Variants in MGRN1 observed in about 807,000 individuals in gnomAD.
The protein encoded by MGRN1 is E3 ubiquitin-protein ligase MGRN1.
A neutral mutation model predicts 69.2 loss-of-function variants in MGRN1; 29 were observed. The ratio of observed to expected loss-of-function variants is 0.42; its 90% CI spans 0.31 to 0.57. The LOEUF is 0.57. Among genes scored for constraint, MGRN1 ranks in the 20% least tolerant of loss-of-function variants. MGRN1 has a pLI of 0.15. For synonymous variants in MGRN1, 470 were observed against 344.2 expected (o/e 1.37, Z -4.04); for missense variants, 998 against 796.2 (o/e 1.25, Z -3.05).
At chr16:4,627,053 C>G (rs774469025) in intron 1 of MGRN1, among the ~76,000 whole-genome samples, 27 of 152,230 alleles carry the variant, frequency 1.8e-4, no homozygotes, top group Middle Eastern at 3.2e-3. Flanking sequence ...GACTCCCCGC[C>G]TCTCCTGTCT....
At chr16:4,676,022 C>T (rs1171623083) in intron 10 of MGRN1, among the ~76,000 whole-genome samples, 1 of 152,230 alleles carries the variant, frequency 6.6e-6, no homozygotes, top group Non-Finnish European at 1.5e-5. Context: ...TGGGGATTTG[C>T]CTGCGCAGCT....
At chr16:4,677,434 G>T (rs1159467306) in intron 10 of MGRN1, 29 bp from the exon 11 acceptor site, 1 of 1,518,350 alleles carries the variant, frequency 6.6e-7, no homozygotes, top group Non-Finnish European at 8.8e-7. Flanking sequence ...TGTCGCCTGG[G>T]CCTGATCTGA....
Position 4,650,376 on chromosome 16 carries a change from G to T in MGRN1, c.100G>T (p.Ala34Ser). 6.2e-7 allele frequency: 1 copy of T among 1,606,490 alleles called. No individual in the cohort carries two copies. The highest frequency in any genetic ancestry group is 8.5e-7 in the Non-Finnish European group (1 of 1,175,244). ...CCTTTTTTAAACAGGAAACTACTTT[G>T]CTTCGCACTTTTTCATGGGAGGAGA... The part of the protein sequence containing the change: ...RYPPKSGNYF[A>S]SHFFMGGEKF... Residue 34 changes from alanine (A) to serine (S), a missense_variant, in exon 2 of 17, where the codon GCT becomes TCT. By Grantham distance (99) the Ala-to-Ser change is moderately conservative. Coordinates refer to ENST00000262370, the MANE Select transcript of MGRN1 (RefSeq NM_015246.4).
chr16:4,651,860 C>A, intron 2 of MGRN1, 103 bp from the exon 3 acceptor site: 1 of 1,035,948 alleles, frequency 9.7e-7, no homozygotes. Context: ...GGGACTAGAT[C>A]CCAGGGATAC....
intron 11 of MGRN1, among the ~76,000 whole-genome samples, chr16:4,679,649 G>C (rs1404793079): frequency 6.6e-6 from 1 of 152,218 alleles, no homozygotes; most frequent in Non-Finnish European, 1.5e-5. Context: ...CTGGCTGGGG[G>C]ACTTTGACCA....
chr16:4,644,216 T>C, intron 1 of MGRN1, among the ~76,000 whole-genome samples: 1 of 151,864 alleles, frequency 6.6e-6, no homozygotes, highest in African/African-American at 2.4e-5. Flanking sequence ...GGTCTAGAAC[T>C]CCTTACCTCA....
chr16:4,629,275 G>C (rs996771712), intron 1 of MGRN1, among the ~76,000 whole-genome samples: 12 of 152,104 alleles, frequency 7.9e-5, no homozygotes, highest in Non-Finnish European at 1.2e-4. Context: ...AGTTCTTTAT[G>C]TGTTCTGGAT....
At chr16:4,687,764 G>A (rs906728446) in intron 16 of MGRN1, 56 of 985,360 alleles carry the variant, frequency 5.7e-5, no homozygotes, top group Non-Finnish European at 6.0e-5. Context: ...CTGGCCGGGG[G>A]TGCAGGCTCT....
At chr16:4,686,843 C>T in intron 16 of MGRN1, 1 of 986,074 alleles carries the variant, frequency 1.0e-6, no homozygotes, top group Non-Finnish European at 1.2e-6. Flanking sequence ...GTGGCTTTAA[C>T]AATTCATGGG....
chr16:4,677,330 C>T (rs1037581570), intron 10 of MGRN1, 133 bp from the exon 11 acceptor site: 10 of 483,982 alleles, frequency 2.1e-5, no homozygotes, highest in African/African-American at 6.0e-5. Flanking sequence ...AAAAAAAGAC[C>T]GTTGTGATCT....
chr16:4,675,406 A>G (rs1000927904), intron 10 of MGRN1, among the ~76,000 whole-genome samples: 1 of 152,202 alleles, frequency 6.6e-6, no homozygotes, highest in African/African-American at 2.4e-5. Context: ...TGGCCAGCTC[A>G]GATCTTTATT....
In MGRN1 at chr16:4,671,403, A is replaced by C; in HGVS notation, c.739A>C (p.Ser247Arg). The C allele has an allele frequency of 6.2e-7, 1 of 1,614,104 alleles. No homozygotes were observed. The highest frequency in any genetic ancestry group is 8.5e-7 in the Non-Finnish European group (1 of 1,179,988). ...LKQKQIVDRVSYLLQEIYGIE... is the reference protein window; with the variant it reads ...LKQKQIVDRVRYLLQEIYGIE... ...CTCTGCTCTCCAGGTGGACCGGGTC[A>C]GCTACCTCCTGCAGGAGATCTATGG... Residue 247 changes from serine to arginine, a missense_variant, in exon 9 of 17, where the codon AGC (serine) becomes CGC (arginine). Coordinates refer to ENST00000262370, the MANE Select transcript of MGRN1 (RefSeq NM_015246.4).
intron 4 of MGRN1, among the ~76,000 whole-genome samples, chr16:4,655,377 C>A (rs1021538118): frequency 1.3e-5 from 2 of 152,228 alleles, no homozygotes; most frequent in Non-Finnish European, 2.9e-5. Flanking sequence ...CTCCTAGACC[C>A]CTGCGGGCTA....
intron 1 of MGRN1, among the ~76,000 whole-genome samples, chr16:4,626,312 G>C (rs1328618236): frequency 6.6e-6 from 1 of 152,198 alleles, no homozygotes; most frequent in African/African-American, 2.4e-5. Context: ...CCTGGCCTTT[G>C]GGTGGTTCCA....
rs1312439264 is a variant in MGRN1, at chr16:4,624,863, C to A, written c.-98C>A. 1 of 1,017,854 alleles carries A rather than the reference C, an allele frequency of 9.8e-7. No homozygotes were observed. The highest frequency in any genetic ancestry group is 4.2e-5 in the Admixed American group (1 of 23,670). 63.1% of individuals were successfully genotyped at this position (1,017,854 alleles called of 1,614,324 possible). On this transcript the variant is annotated 5_prime_UTR_variant, in exon 1 of 17. Transcript: ENST00000262370. ...CGCCTCCGCGGCCGTGGACGAGCGT[C>A]CGTGCGGCCTGGTCCGGGCCATGTC...
chr16:4,652,958 G>A (rs1264700553), intron 4 of MGRN1, 134 bp downstream of exon 4: 4 of 1,194,448 alleles, frequency 3.3e-6, no homozygotes, highest in East Asian at 2.9e-5. Flanking sequence ...ACTTTACCAC[G>A]ATGTGAGGGG....
At chr16:4,682,671 G>A (rs1444963149) in intron 13 of MGRN1, 152 bp from the exon 14 acceptor site, 5 of 916,998 alleles carry the variant, frequency 5.5e-6, no homozygotes, top group African/African-American at 3.5e-5. Context: ...GGTTGGTCCC[G>A]GTGGCTGGTG....
chr16:4,683,309 A>T (rs754184428), intron 15 of MGRN1, 40 bp downstream of exon 15: 1 of 1,610,870 alleles, frequency 6.2e-7, no homozygotes, highest in Non-Finnish European at 8.5e-7. Context: ...GCATGCAGGG[A>T]CCAGGCAGCC....
chr16:4,624,830 G>A lies in MGRN1; in HGVS notation c.-131G>A, dbSNP rs575594562. ...TCCCCGGGCCGAGCCGGGGGTGGGG[G>A]CTCGAGGCGCCTCCGCGGCCGTGGA... On this transcript the variant is annotated 5_prime_UTR_variant, in exon 1 of 17. Transcript: ENST00000262370. 2.7e-4 allele frequency: 174 copies of A among 656,320 alleles called. 1 individual carries two copies. Among genetic ancestry groups the A allele is most frequent in the Middle Eastern group, 9.5e-4 (2 of 2,102 alleles). 40.7% of individuals were successfully genotyped at this position (656,320 alleles called of 1,614,324 possible).
Sources: allele counts gnomAD v4.1 joint callset (sites outside exome capture counted in the v4.1 genomes callset), GRCh38; gene constraint gnomAD v4.1.1; transcripts MANE v1.5; gene names NCBI Gene and HGNC (gene_info 2026-07-23, HGNC 2026-07-21).